The following ZBTB7C variants were observed in gnomAD, a reference collection of about 807,000 sequenced individuals.
ZBTB7C encodes the protein zinc finger and BTB domain-containing protein 7C.
ZBTB7C carries 8 observed loss-of-function variants against 25.7 expected under a neutral mutation model. That is an observed-to-expected ratio of 0.31 (90% confidence interval 0.18 to 0.56). The LOEUF (loss-of-function observed/expected upper bound fraction) is 0.56. Among genes scored for constraint, ZBTB7C ranks in the 20% least tolerant of loss-of-function variants. The pLI is 0.91. For synonymous variants in ZBTB7C, 394 were observed against 369.0 expected, an observed-to-expected ratio of 1.07 and a Z score of -0.78; for missense variants, 824 against 855.2, an observed-to-expected ratio of 0.96 and a Z score of 0.46.
At chr18:48,142,937 C>T (rs1287491457) in intron 3 of ZBTB7C, among the ~76,000 whole-genome samples, 1 of 147,050 alleles carries the variant, frequency 6.8e-6, no homozygotes, top group Non-Finnish European at 1.5e-5. Context: ...GTGCCCCACA[C>T]CACTCCAGGC....
chr18:48,029,869 C>T lies in ZBTB7C; in HGVS notation c.1251G>A (p.Glu417=), dbSNP rs1267346560. ...LKIHMRKHTG[E]RPYLCIHCNA... ...TGCAGTGGATGCACAGGTAGGGCCG[C>T]TCCCCTGTGTGCTTCCGCATGTGGA... Residue 417 remains glutamate (E), a synonymous_variant, in exon 5 of 5, where the codon GAG becomes GAA. Transcript: ENST00000590800. 3 of 1,611,504 alleles carry T rather than the reference C, an allele frequency of 1.9e-6. No individual in the cohort carries two copies. The highest frequency in any genetic ancestry group is 1.7e-6 in the Non-Finnish European group (2 of 1,180,020).
rs184463381 is a variant in ZBTB7C, at chr18:48,202,940, T to C, written c.-78-16945A>G. 2.3e-3 allele frequency among the ~76,000 whole-genome samples: 343 copies of C among 151,958 alleles called. 1 individual carries two copies. The highest frequency in any genetic ancestry group is 3.4e-3 in the Middle Eastern group (1 of 294). ...AGTCTCCAGCCTGAAGATCACCTCC[T>C]ACCTCCCCACCTACGCCCCTGGCCT... On this transcript the variant is annotated intron_variant, in intron 2 of 4. Coordinates refer to ENST00000590800, the MANE Select transcript of ZBTB7C (RefSeq NM_001318841.2).
At chr18:48,304,883 A>G (rs1361070498) in intron 2 of ZBTB7C, among the ~76,000 whole-genome samples, 1 of 147,078 alleles carries the variant, frequency 6.8e-6, no homozygotes, top group Non-Finnish European at 1.5e-5. Context: ...GTTAGATTTG[A>G]TTTCTGACAC....
At chr18:48,281,673 A>G (rs1372970626) in intron 2 of ZBTB7C, among the ~76,000 whole-genome samples, 2 of 152,184 alleles carry the variant, frequency 1.3e-5, no homozygotes, top group African/African-American at 4.8e-5. Flanking sequence ...CACTTCTCAA[A>G]AGAAGACATT....
intron 2 of ZBTB7C, among the ~76,000 whole-genome samples, chr18:48,232,913 T>TGAGTGTTG (rs1434551562): frequency 6.6e-6 from 1 of 152,114 alleles, no homozygotes; most frequent in African/African-American, 2.4e-5. Flanking sequence ...ACCCCCTGGT[T>TGAGTGTTG]GAGTGTTGGA....
rs184161541 is a variant in ZBTB7C, at chr18:48,210,823, T to C, written c.-78-24828A>G. On this transcript the variant is annotated intron_variant, in intron 2 of 4. Transcript: ENST00000590800. ...AATTCTATGATATGTAAATTATATA[T>C]CAATTAAACTGTTTTTTTAAAAATT... Among the ~76,000 whole-genome samples, 164 of 152,194 alleles carry C rather than the reference T, an allele frequency of 1.1e-3. 1 individual carries two copies. The highest frequency in any genetic ancestry group is 3.6e-3 in the African/African-American group (150 of 41,464).
chr18:48,032,422 GTTTTTTTTTTTTTTTTT>G (rs71165309), intron 4 of ZBTB7C, among the ~76,000 whole-genome samples: 1,790 of 65,196 alleles, frequency 0.027, 78 homozygotes, highest in African/African-American at 0.1. Flanking sequence ...GACAAGGTAG[GTTTTTTTTTTTTTTTTT>G]TTTTTTTTTT....
intron 2 of ZBTB7C, among the ~76,000 whole-genome samples, chr18:48,293,784 GA>G (rs1056183181): frequency 1.3e-5 from 2 of 151,122 alleles, no homozygotes; most frequent in African/African-American, 2.4e-5. Flanking sequence ...CAACCTTTAA[GA>G]AAAAAAAATA....
At chr18:48,111,431 A>T (rs961463333) in intron 3 of ZBTB7C, among the ~76,000 whole-genome samples, 12 of 152,216 alleles carry the variant, frequency 7.9e-5, no homozygotes, top group Admixed American at 3.3e-4. Flanking sequence ...AAAGTCAGTG[A>T]TGAAACTTTA....
intron 3 of ZBTB7C, among the ~76,000 whole-genome samples, chr18:48,177,753 C>T (rs1392161427): frequency 1.3e-5 from 2 of 152,174 alleles, no homozygotes; most frequent in Admixed American, 1.3e-4. Flanking sequence ...CCCTACTCTG[C>T]TCTTCTTGTG....
chr18:48,159,256 G>C (rs2040929575), intron 3 of ZBTB7C, among the ~76,000 whole-genome samples: 1 of 152,134 alleles, frequency 6.6e-6, no homozygotes, highest in Non-Finnish European at 1.5e-5. Flanking sequence ...CCTAGAGTCA[G>C]ACTGCTCTAG....
At chr18:48,042,693 T>G (rs937177267) in intron 3 of ZBTB7C, among the ~76,000 whole-genome samples, 3 of 152,230 alleles carry the variant, frequency 2.0e-5, no homozygotes, top group African/African-American at 7.2e-5. Context: ...GCAATCCCAC[T>G]GGCCAGGTGT....
chr18:48,363,718 G>A (rs1411581152), intron 1 of ZBTB7C, among the ~76,000 whole-genome samples: 3 of 151,936 alleles, frequency 2.0e-5, no homozygotes, highest in Non-Finnish European at 4.4e-5. Context: ...GGCCATTGGG[G>A]GTGTATTCTT....
At chr18:48,269,916 ATTC>A (rs1179135262) in intron 2 of ZBTB7C, among the ~76,000 whole-genome samples, 10 of 152,184 alleles carry the variant, frequency 6.6e-5, no homozygotes, top group Non-Finnish European at 1.2e-4. Flanking sequence ...TAAATGACAA[ATTC>A]TCAGATTAAA....
chr18:48,168,807 ATC>A (rs2041360528), intron 3 of ZBTB7C, among the ~76,000 whole-genome samples: 2 of 152,236 alleles, frequency 1.3e-5, no homozygotes, highest in Non-Finnish European at 2.9e-5. Context: ...TGTCTCTTGA[ATC>A]AGGCATAAAC....
chr18:48,064,570 C>G (rs10853561), intron 3 of ZBTB7C, among the ~76,000 whole-genome samples: 40,168 of 152,050 alleles, frequency 0.26, 6,184 homozygotes, highest in Admixed American at 0.41. Context: ...TGGCAAAACC[C>G]CATTTCTACA....
intron 3 of ZBTB7C, among the ~76,000 whole-genome samples, chr18:48,110,847 G>A (rs1372400296): frequency 1.3e-5 from 2 of 152,158 alleles, no homozygotes; most frequent in East Asian, 1.9e-4. Context: ...CTGGAACCAC[G>A]TTCTTGGGGG....
chr18:48,389,224 C>CG (rs1568418188), intron 1 of ZBTB7C, among the ~76,000 whole-genome samples: 241 of 124,254 alleles, frequency 1.9e-3, no homozygotes, highest in African/African-American at 5.6e-3. Flanking sequence ...CTCTCTCTCT[C>CG]TCTCTCTCTC....
chr18:48,408,945 C>T (rs1465505212), intron 1 of ZBTB7C, among the ~76,000 whole-genome samples: 1 of 151,150 alleles, frequency 6.6e-6, no homozygotes, highest in African/African-American at 2.4e-5. Flanking sequence ...CTCCTCCCGC[C>T]TCCTCCGTTG....
Sources: allele counts gnomAD v4.1 joint callset (sites outside exome capture counted in the v4.1 genomes callset), GRCh38; gene constraint gnomAD v4.1.1; transcripts MANE v1.5; gene names NCBI Gene and HGNC (gene_info 2026-07-23, HGNC 2026-07-21).